ARPC1B: variants seen among roughly 807,000 people sequenced by gnomAD.
ARPC1B encodes actin related protein 2/3 complex subunit 1B, also known as actin-related protein 2/3 complex subunit 1B.
Under a neutral mutation model 46.0 loss-of-function variants are expected in ARPC1B, and 29 were observed. The ratio of observed to expected loss-of-function variants is 0.63; its 90% CI spans 0.47 to 0.86. The LOEUF (loss-of-function observed/expected upper bound fraction) is 0.86, where lower values mean the gene tolerates loss of function less well. Ranked by LOEUF, ARPC1B falls within the 40% of genes least tolerant of loss-of-function variation. The pLI, the probability that ARPC1B is intolerant of heterozygous loss-of-function variation, is 0.00. For synonymous variants in ARPC1B, 201 were observed against 213.9 expected (o/e 0.94, Z 0.53); for missense variants, 469 against 529.4 (o/e 0.89, Z 1.12).
At position 99,392,830 on chromosome 7, in the gene ARPC1B, A is replaced by ACGGCTG. The variant is rs1187009839; in HGVS notation, c.947_952dup (p.Ala316_Ala317dup). On this transcript the variant is annotated inframe_insertion, in exon 8 of 10. Coordinates refer to ENST00000646101, the MANE Select transcript of ARPC1B (RefSeq NM_005720.4). ...CAAGAAGGCGAGCTCCGAGGGTGGCACGGCTGCGGGCGCGGGCCTAGACTC... is the reference window on the plus strand; with the variant it reads ...CAAGAAGGCGAGCTCCGAGGGTGGCACGGCTGCGGCTGCGGGCGCGGGCCTAGACTC... 13 of 1,550,092 alleles carry ACGGCTG rather than the reference A, an allele frequency of 8.4e-6. No homozygotes were observed. The highest frequency in any genetic ancestry group is 1.1e-5 in the Non-Finnish European group (13 of 1,146,844).
At chr7:99,376,045 G>T (rs761661065) in intron 1 of ARPC1B, among the ~76,000 whole-genome samples, 2 of 143,402 alleles carry the variant, frequency 1.4e-5, no homozygotes, top group African/African-American at 5.5e-5. Flanking sequence ...CTGGGCAACA[G>T]AGCAAGACTC....
intron 1 of ARPC1B, among the ~76,000 whole-genome samples, chr7:99,375,352 T>G (rs1794004905): frequency 6.6e-6 from 1 of 152,120 alleles, no homozygotes; most frequent in Non-Finnish European, 1.5e-5. Context: ...CCGCTCCCGC[T>G]GCTCCCACCC....
In ARPC1B at chr7:99,394,185, TC is replaced by T. The variant is rs1046024807; in HGVS notation, c.1080+69del. 6 of 1,498,442 alleles carry T rather than the reference TC, an allele frequency of 4.0e-6. No individual in the cohort carries two copies. The African/African-American group carries it at 8.3e-5, about 21-fold the overall frequency. 92.8% of individuals were successfully genotyped at this position (1,498,442 alleles called of 1,614,324 possible). A position where few individuals can be genotyped will look rare whatever the true frequency, so the allele number is the denominator to read the frequency against. ...GTCAACCCTTTCCCCCCATCCCCAC[TC>T]CCTGGAGATGACCCCCATCCTTCAC... is the stretch of plus-strand genomic sequence containing the variant. On this transcript the variant is annotated intron_variant, in intron 9 of 9. Coordinates refer to ENST00000646101, the MANE Select transcript of ARPC1B (RefSeq NM_005720.4).
intron 7 of ARPC1B, 62 bp from the exon 8 acceptor site, chr7:99,392,609 G>T (rs187945985): frequency 5.3e-5 from 74 of 1,401,686 alleles, no homozygotes; most frequent in Non-Finnish European, 9.3e-7. Context: ...CGCCCGCCTG[G>T]CCTTCCCTCC....
chr7:99,382,849 T>C (rs943490464), intron 1 of ARPC1B, among the ~76,000 whole-genome samples: 15 of 145,380 alleles, frequency 1.0e-4, no homozygotes, highest in African/African-American at 3.8e-4. Flanking sequence ...AACCTTTTTT[T>C]TTTTTTTTTT....
intron 5 of ARPC1B, 93 bp downstream of exon 5, chr7:99,390,105 G>C: frequency 8.7e-7 from 1 of 1,143,326 alleles, no homozygotes; most frequent in Non-Finnish European, 1.3e-6. Context: ...CTACACCCCA[G>C]CTTCTAGACA....
At chr7:99,386,035 G>A (rs920090276) in intron 2 of ARPC1B, among the ~76,000 whole-genome samples, 7 of 152,110 alleles carry the variant, frequency 4.6e-5, no homozygotes, top group Non-Finnish European at 1.0e-4. Context: ...TGGATCACTT[G>A]AGGTCAGGAG....
rs1410401989 is a variant in ARPC1B, at chr7:99,386,182, C to T, written c.64+404C>T. On this transcript the variant is annotated intron_variant, in intron 2 of 9. Transcript: ENST00000646101. ...ACGAGAATTGCTTGAACCCAGGAGG[C>T]GGAGGTTGCAGTGAGTCGAGATTGC... is the stretch of plus-strand genomic sequence containing the variant. Among the ~76,000 whole-genome samples the T allele has an allele frequency of 3.3e-5, 5 of 150,766 alleles. No individual in the cohort carries two copies. In the South Asian group the frequency reaches 6.3e-4, roughly 19 times the overall value.
chr7:99,382,604 G>A (rs1220958145), intron 1 of ARPC1B, among the ~76,000 whole-genome samples: 1 of 151,688 alleles, frequency 6.6e-6, no homozygotes, highest in Non-Finnish European at 1.5e-5. Context: ...GAATACCTAA[G>A]AATACAGATG....
intron 5 of ARPC1B, among the ~76,000 whole-genome samples, chr7:99,390,369 A>AC: frequency 7.1e-6 from 1 of 140,566 alleles, no homozygotes; most frequent in African/African-American, 2.6e-5. Context: ...GCTAGACAGG[A>AC]TTTTTTTTTT....
chr7:99,376,300 A>G (rs1299691548), intron 1 of ARPC1B: 1 of 152,224 alleles, frequency 6.6e-6, no homozygotes, highest in Non-Finnish European at 1.5e-5. Context: ...AACTCCTGCC[A>G]GCCTCAACTT....
At chr7:99,393,013 G>C in intron 8 of ARPC1B, 137 bp downstream of exon 8, 2 of 984,796 alleles carry the variant, frequency 2.0e-6, no homozygotes, top group Non-Finnish European at 1.4e-6. Context: ...CGGAGGGAGG[G>C]TAGGCGTGCC....
chr7:99,393,913 G>A (rs1263704595), intron 8 of ARPC1B, 116 bp from the exon 9 acceptor site: 27 of 992,714 alleles, frequency 2.7e-5, no homozygotes, highest in Non-Finnish European at 4.0e-5. Flanking sequence ...ACACCCCCTC[G>A]GTACTTCTCA....
chr7:99,380,058 G>C lies in ARPC1B; in HGVS notation c.-14+5277G>C, dbSNP rs74998477. Among the ~76,000 whole-genome samples, 301 of 152,312 alleles carry C rather than the reference G, an allele frequency of 2.0e-3. 1 individual carries two copies. The highest frequency in any genetic ancestry group is 3.4e-3 in the Non-Finnish European group (228 of 68,026). On this transcript the variant is annotated intron_variant, in intron 1 of 9. Coordinates refer to ENST00000646101, the MANE Select transcript of ARPC1B (RefSeq NM_005720.4). Reference sequence around the variant, plus strand: ...TCCCTCCCCCAGGAGCCATCACTGAGACCTTATGCTGTCAACACTGGTGGG... The same window carrying C: ...TCCCTCCCCCAGGAGCCATCACTGACACCTTATGCTGTCAACACTGGTGGG...
intron 8 of ARPC1B, 103 bp downstream of exon 8, chr7:99,392,979 C>A: frequency 8.0e-7 from 1 of 1,246,872 alleles, no homozygotes; most frequent in Non-Finnish European, 1.1e-6. Context: ...GGGCATTGTG[C>A]TGGGACCTTG....
intron 1 of ARPC1B, among the ~76,000 whole-genome samples, chr7:99,381,128 T>C (rs1406062917): frequency 1.3e-5 from 2 of 152,162 alleles, no homozygotes; most frequent in Non-Finnish European, 2.9e-5. Flanking sequence ...CTGAGGGCGC[T>C]GAGATGGTGC....
chr7:99,375,877 C>A (rs1452406181), intron 1 of ARPC1B, among the ~76,000 whole-genome samples: 1 of 152,144 alleles, frequency 6.6e-6, no homozygotes, highest in Non-Finnish European at 1.5e-5. Context: ...GCCTGACCGA[C>A]ATGGTGAAAC....
At chr7:99,378,312 A>C (rs1322522348) in intron 1 of ARPC1B, among the ~76,000 whole-genome samples, 1 of 150,818 alleles carries the variant, frequency 6.6e-6, no homozygotes, top group African/African-American at 2.4e-5. Flanking sequence ...GACTCAAGTG[A>C]TCCACCTGGC....
At chr7:99,376,871 C>CAA (rs35540180) in intron 1 of ARPC1B, among the ~76,000 whole-genome samples, 14 of 63,992 alleles carry the variant, frequency 2.2e-4, no homozygotes, top group African/African-American at 5.3e-4. Context: ...ACTCTGTCTC[C>CAA]AAAAAAAAAA....
Sources: gnomAD v4.1 joint callset for allele counts (sites outside exome capture counted in the v4.1 genomes callset) on GRCh38, gnomAD v4.1.1 for gene constraint, MANE v1.5 for transcripts, NCBI Gene and HGNC (gene_info 2026-07-23, HGNC 2026-07-21) for gene names.